Variants in LONRF2 observed in about 807,000 individuals in gnomAD.
The protein encoded by LONRF2 is LON peptidase N-terminal domain and ring finger 2.
Under a neutral mutation model 66.6 loss-of-function variants are expected in LONRF2, and 35 were observed. That is an observed-to-expected ratio of 0.53 (90% CI 0.40 to 0.70). LONRF2 has a LOEUF of 0.70. Ranked by LOEUF, LONRF2 falls within the 30% of genes least tolerant of loss-of-function variation. The probability of loss-of-function intolerance (pLI) is 0.00; values close to 1 mark genes in which losing one functional copy is unlikely to be tolerated. For missense variants in LONRF2, 902 were observed against 1,002.1 expected (o/e 0.90, Z 1.35); for synonymous variants, 417 against 418.1 (o/e 1.00, Z 0.03).
rs956358689 is a variant in LONRF2 at position 100,281,430 on chromosome 2, C to T, written c.*2868G>A. On this transcript the variant is annotated 3_prime_UTR_variant, in exon 12 of 12. Transcript: ENST00000393437. ...TTGTGTTTCTATGGATAAACCTTAA[C>T]ATTTTAAATTATTTTCTTTTGAAAC... 2 of 152,138 alleles carry T rather than the reference C, an allele frequency of 1.3e-5. No homozygotes were observed. The highest frequency in any genetic ancestry group is 2.4e-5 in the African/African-American group (1 of 41,422). 9.4% of individuals were successfully genotyped at this position (152,138 alleles called of 1,614,324 possible).
chr2:100,298,106 C>T (rs1370175457), intron 7 of LONRF2, among the ~76,000 whole-genome samples: 1 of 152,126 alleles, frequency 6.6e-6, no homozygotes, highest in African/African-American at 2.4e-5. Flanking sequence ...TACTCCCCAC[C>T]CCCTTAAGAT....
chr2:100,315,356 T>A (rs1215205301), intron 1 of LONRF2, among the ~76,000 whole-genome samples: 1 of 152,226 alleles, frequency 6.6e-6, no homozygotes, highest in African/African-American at 2.4e-5. Context: ...TACATTCTTC[T>A]GGAGTTTCTA....
chr2:100,285,436 GCACGCTT>G (rs1674824864), intron 11 of LONRF2, among the ~76,000 whole-genome samples: 2 of 152,148 alleles, frequency 1.3e-5, no homozygotes, highest in Non-Finnish European at 2.9e-5. Flanking sequence ...AAACTGAGTA[GCACGCTT>G]AATGGGAAGG....
At chr2:100,307,308 C>G (rs532651341) in intron 2 of LONRF2, among the ~76,000 whole-genome samples, 7 of 152,116 alleles carry the variant, frequency 4.6e-5, no homozygotes, top group African/African-American at 1.7e-4. Context: ...TGCAGTAAAC[C>G]CTGCAGATAT....
At chr2:100,286,059 G>A (rs928907999) in intron 11 of LONRF2, among the ~76,000 whole-genome samples, 5 of 152,106 alleles carry the variant, frequency 3.3e-5, no homozygotes, top group African/African-American at 1.2e-4. Context: ...TGCAAAAAGG[G>A]CAAGCCAGGA....
At chr2:100,297,885 T>G (rs930468554) in intron 7 of LONRF2, among the ~76,000 whole-genome samples, 1 of 152,260 alleles carries the variant, frequency 6.6e-6, no homozygotes, top group African/African-American at 2.4e-5. Flanking sequence ...GTTTTGGCAG[T>G]AAATTTTAAA....
chr2:100,318,067 CT>C (rs1156681883), intron 1 of LONRF2, among the ~76,000 whole-genome samples: 1 of 152,112 alleles, frequency 6.6e-6, no homozygotes, highest in African/African-American at 2.4e-5. Flanking sequence ...TGCCCTTCCC[CT>C]CTCTCTTCTT....
At chr2:100,287,337 ATT>A (rs1424539923) in intron 10 of LONRF2, among the ~76,000 whole-genome samples, 1 of 152,242 alleles carries the variant, frequency 6.6e-6, no homozygotes, top group Non-Finnish European at 1.5e-5. Context: ...GCAATTATAT[ATT>A]TGAGATACAT....
At chr2:100,307,704 T>C (rs146759548) in intron 2 of LONRF2, among the ~76,000 whole-genome samples, 40 of 152,346 alleles carry the variant, frequency 2.6e-4, no homozygotes, top group Middle Eastern at 3.4e-3. Flanking sequence ...AACAATGTAC[T>C]GTATTCTTGA....
intron 1 of LONRF2, 84 bp from the exon 2 acceptor site, chr2:100,309,309 G>GTATATATAC: frequency 1.4e-6 from 1 of 738,748 alleles, no homozygotes; most frequent in Non-Finnish European, 2.3e-6. Context: ...ATATTAAAGT[G>GTATATATAC]TATATATACA....
intron 4 of LONRF2, among the ~76,000 whole-genome samples, 172 bp downstream of exon 4, chr2:100,300,472 T>C (rs895640307): frequency 1.3e-5 from 2 of 152,200 alleles, no homozygotes; most frequent in African/African-American, 2.4e-5. Flanking sequence ...ATTACTTCCA[T>C]AGACTTCATG....
intron 3 of LONRF2, 107 bp downstream of exon 3, chr2:100,302,814 A>G (rs929300659): frequency 2.6e-5 from 30 of 1,150,786 alleles, no homozygotes; most frequent in Admixed American, 1.5e-4. Context: ...TATCACGAAC[A>G]TTCAGAATTA....
rs1674779352 is a variant in LONRF2 at position 100,283,392 on chromosome 2, G to C, written c.*906C>G. 6.6e-6 allele frequency: 1 copy of C among 152,114 alleles called. No individual in the cohort carries two copies. The highest frequency in any genetic ancestry group is 1.5e-5 in the Non-Finnish European group (1 of 68,018). 9.4% of individuals were successfully genotyped at this position (152,114 alleles called of 1,614,324 possible). On this transcript the variant is annotated 3_prime_UTR_variant, in exon 12 of 12. Transcript: ENST00000393437. Reference sequence around the variant, plus strand: ...TATATTAATAAATGGATAGTAAACTGAAATTTACTGATGGGGCTAATTTCT... The same window carrying C: ...TATATTAATAAATGGATAGTAAACTCAAATTTACTGATGGGGCTAATTTCT...
rs537642045 is a variant in LONRF2, at chr2:100,287,127, G to A, written c.1921-64C>T. On this transcript the variant is annotated intron_variant, in intron 10 of 11. Coordinates refer to ENST00000393437, the MANE Select transcript of LONRF2 (RefSeq NM_198461.4). ...CAGTAATGCACGTAACACAGTCAGC[G>A]ACCTCTGCACCTCCACTAAGTGGAT... is the stretch of plus-strand genomic sequence containing the variant. 140 of 1,473,626 alleles carry A rather than the reference G, an allele frequency of 9.5e-5. No homozygotes were observed. The African/African-American group carries it at 1.6e-3, about 17-fold the overall frequency. The allele number at this position is 1,473,626 out of a possible 1,614,324, so 91.3% of individuals were successfully genotyped here. A position where few individuals can be genotyped will look rare whatever the true frequency, so the allele number is the denominator to read the frequency against.
In LONRF2 at chr2:100,322,033, C is replaced by T. The variant is rs1341991606; in HGVS notation, c.61G>A (p.Glu21Lys). 68 of 1,364,714 alleles carry T rather than the reference C, an allele frequency of 5.0e-5. No individual in the cohort carries two copies. Among genetic ancestry groups the T allele is most frequent in the Non-Finnish European group, 6.2e-5 (66 of 1,059,552 alleles). 84.5% of individuals were successfully genotyped at this position (1,364,714 alleles called of 1,614,324 possible). A position where few individuals can be genotyped will look rare whatever the true frequency, so the allele number is the denominator to read the frequency against. The change falls in exon 1 of 12, where the codon GAG (glutamate) becomes AAG (lysine). Residue 21 changes from glutamate to lysine, a missense_variant. Transcript: ENST00000393437. ...TCCTCTAAGCGCTGGGCGATCGGCT[C>T]CGCGCGGTCGCAGCCAGGACACTGG... ...PPQCPGCDRA[E>K]PIAQRLEEGD... is the part of the protein sequence containing the mutation.
At chr2:100,308,343 G>C (rs1463810331) in intron 2 of LONRF2, among the ~76,000 whole-genome samples, 3 of 152,106 alleles carry the variant, frequency 2.0e-5, no homozygotes, top group African/African-American at 7.2e-5. Context: ...AAAAATAAAA[G>C]ATGGGAGGGA....
At chr2:100,314,136 G>A (rs1368293182) in intron 1 of LONRF2, among the ~76,000 whole-genome samples, 1 of 151,986 alleles carries the variant, frequency 6.6e-6, no homozygotes, top group African/African-American at 2.4e-5. Flanking sequence ...AAGTAGAAAT[G>A]CCACATCAGA....
intron 1 of LONRF2, among the ~76,000 whole-genome samples, chr2:100,314,574 C>A (rs1675469581): frequency 6.6e-6 from 1 of 152,020 alleles, no homozygotes; most frequent in Admixed American, 6.5e-5. Context: ...TTTTTGGGGG[C>A]CTCTGAGGAA....
At chr2:100,300,611 A>C in intron 4 of LONRF2, 33 bp downstream of exon 4, 1 of 1,577,494 alleles carries the variant, frequency 6.3e-7, no homozygotes, top group Non-Finnish European at 8.6e-7. Context: ...AAGCTTAATC[A>C]AGAGAATCCT....
Sources: allele counts gnomAD v4.1 joint callset (sites outside exome capture counted in the v4.1 genomes callset), GRCh38; gene constraint gnomAD v4.1.1; transcripts MANE v1.5; gene names NCBI Gene and HGNC (gene_info 2026-07-23, HGNC 2026-07-21).